Variants in CTNNA3 observed in about 807,000 individuals in gnomAD.
CTNNA3 encodes the protein catenin alpha 3.
CTNNA3 carries 76 observed loss-of-function variants against 95.7 expected under a neutral mutation model. The ratio of observed to expected loss-of-function variants is 0.79; its 90% CI spans 0.66 to 0.96. CTNNA3 has a LOEUF of 0.96. Ranked by LOEUF, CTNNA3 falls within the 40% of genes least tolerant of loss-of-function variation. CTNNA3 has a pLI of 0.00. For missense variants in CTNNA3, 1,191 were observed against 1,089.8 expected, an observed-to-expected ratio of 1.09 and a Z score of -1.31; for synonymous variants, 431 against 374.4, an observed-to-expected ratio of 1.15 and a Z score of -1.74.
chr10:67,101,581 C>T (rs1021995194), intron 7 of CTNNA3, among the ~76,000 whole-genome samples: 5 of 151,622 alleles, frequency 3.3e-5, no homozygotes, highest in African/African-American at 7.3e-5. Flanking sequence ...TCTAGTCCCT[C>T]CTGAATGTTT....
chr10:67,166,843 A>G (rs1861789392), intron 7 of CTNNA3, among the ~76,000 whole-genome samples: 1 of 152,216 alleles, frequency 6.6e-6, no homozygotes, highest in Admixed American at 6.5e-5. Context: ...GCGGTGGCTC[A>G]TGCCTGTAAT....
At chr10:67,452,152 C>T (rs1469388338) in intron 5 of CTNNA3, among the ~76,000 whole-genome samples, 1 of 151,654 alleles carries the variant, frequency 6.6e-6, no homozygotes, top group African/African-American at 2.4e-5. Context: ...TTTAAAGCAT[C>T]CAAAGCAAAT....
At chr10:66,444,058 G>A (rs937574255) in intron 11 of CTNNA3, among the ~76,000 whole-genome samples, 2 of 152,128 alleles carry the variant, frequency 1.3e-5, no homozygotes, top group Admixed American at 1.3e-4. Flanking sequence ...GCGATCAACT[G>A]GAAGAAAGGG....
At chr10:66,427,608 G>A (rs116052821) in intron 11 of CTNNA3, among the ~76,000 whole-genome samples, 1 of 152,028 alleles carries the variant, frequency 6.6e-6, no homozygotes, top group South Asian at 2.1e-4. Flanking sequence ...TCATATTTTT[G>A]CTCTTGTAAA....
chr10:67,086,162 T>A (rs527694069), intron 7 of CTNNA3, among the ~76,000 whole-genome samples: 3 of 152,030 alleles, frequency 2.0e-5, no homozygotes, highest in East Asian at 1.9e-4. Context: ...AACAGTATAT[T>A]TTTTTTCATA....
intron 1 of CTNNA3, among the ~76,000 whole-genome samples, chr10:67,678,142 A>C (rs748854010): frequency 2.0e-4 from 30 of 152,210 alleles, no homozygotes; most frequent in South Asian, 4.1e-4. Context: ...AAATTTAAAA[A>C]TCGTGTAACA....
At chr10:66,179,732 T>C (rs1312585978) in intron 13 of CTNNA3, among the ~76,000 whole-genome samples, 2 of 152,074 alleles carry the variant, frequency 1.3e-5, no homozygotes, top group African/African-American at 2.4e-5. Context: ...GGGAAACTTA[T>C]ACTGCTGTGG....
intron 13 of CTNNA3, among the ~76,000 whole-genome samples, chr10:66,198,501 G>C (rs2087108752): frequency 6.6e-6 from 1 of 152,028 alleles, no homozygotes; most frequent in Admixed American, 6.6e-5. Flanking sequence ...GTACACAGCA[G>C]AAATATTAAA....
At chr10:66,934,834 C>T (rs1160777022) in intron 7 of CTNNA3, among the ~76,000 whole-genome samples, 1 of 152,152 alleles carries the variant, frequency 6.6e-6, no homozygotes, top group African/African-American at 2.4e-5. Flanking sequence ...CATTTCATCA[C>T]ATCAATTACA....
chr10:67,475,777 C>T (rs903012229), intron 5 of CTNNA3, among the ~76,000 whole-genome samples: 2 of 152,056 alleles, frequency 1.3e-5, no homozygotes, highest in Non-Finnish European at 2.9e-5. Flanking sequence ...TCAATAAATA[C>T]AGATGAAAGC....
intron 9 of CTNNA3, among the ~76,000 whole-genome samples, chr10:66,726,503 A>G (rs750406709): frequency 1.6e-4 from 25 of 152,130 alleles, no homozygotes; most frequent in Non-Finnish European, 3.1e-4. Flanking sequence ...GGCCAATCCA[A>G]CAATACTACA....
chr10:66,236,354 C>T (rs1478498567), intron 13 of CTNNA3, among the ~76,000 whole-genome samples: 1 of 152,112 alleles, frequency 6.6e-6, no homozygotes, highest in Non-Finnish European at 1.5e-5. Flanking sequence ...CTCAGGAAAG[C>T]TACACTTGAA....
intron 3 of CTNNA3, among the ~76,000 whole-genome samples, chr10:67,601,936 A>C (rs1843096510): frequency 6.6e-6 from 1 of 152,134 alleles, no homozygotes; most frequent in Non-Finnish European, 1.5e-5. Context: ...TACCCACATT[A>C]TTTATCACTT....
intron 7 of CTNNA3, among the ~76,000 whole-genome samples, chr10:66,880,536 T>C (rs749424907): frequency 6.6e-6 from 1 of 152,096 alleles, no homozygotes; most frequent in East Asian, 1.9e-4. Context: ...TGTCAGAATT[T>C]ATAGCTGTGC....
intron 5 of CTNNA3, among the ~76,000 whole-genome samples, chr10:67,300,267 C>T (rs1304745702): frequency 6.6e-6 from 1 of 152,154 alleles, no homozygotes; most frequent in Non-Finnish European, 1.5e-5. Flanking sequence ...ATTTCAAACA[C>T]CTCGTTTGTA....
chr10:66,805,887 A>G (rs758773424), intron 7 of CTNNA3, among the ~76,000 whole-genome samples: 39 of 152,078 alleles, frequency 2.6e-4, no homozygotes, highest in Non-Finnish European at 5.0e-4. Flanking sequence ...GCAGCTAGAA[A>G]AGTATTTATC....
intron 5 of CTNNA3, among the ~76,000 whole-genome samples, chr10:67,375,793 GGTA>G (rs148185570): frequency 6.1e-4 from 93 of 152,198 alleles, no homozygotes; most frequent in African/African-American, 2.1e-3. Flanking sequence ...TGAAATAAAT[GGTA>G]GTTTAATTTT....
intron 17 of CTNNA3, among the ~76,000 whole-genome samples, chr10:65,953,203 G>T (rs2133214254): frequency 6.6e-6 from 1 of 152,254 alleles, no homozygotes; most frequent in South Asian, 2.1e-4. Context: ...AGTTGATGAA[G>T]AATCTGCTCC....
chr10:67,501,035 A>G (rs1839213702), intron 5 of CTNNA3, among the ~76,000 whole-genome samples: 1 of 152,178 alleles, frequency 6.6e-6, no homozygotes, highest in Non-Finnish European at 1.5e-5. Context: ...TTTGCCCATT[A>G]GTTGATGCAG....
Sources: allele counts gnomAD v4.1 joint callset (sites outside exome capture counted in the v4.1 genomes callset), GRCh38; gene constraint gnomAD v4.1.1; transcripts MANE v1.5; gene names NCBI Gene and HGNC (gene_info 2026-07-23, HGNC 2026-07-21).